The following CYB5RL variants were observed in gnomAD, a reference collection of about 807,000 sequenced individuals.
The protein encoded by CYB5RL is cytochrome b5 reductase like.
Under a neutral mutation model 37.5 loss-of-function variants are expected in CYB5RL, and 38 were observed. That is an observed-to-expected ratio of 1.01 (90% CI 0.78 to 1.33). The LOEUF (loss-of-function observed/expected upper bound fraction) is 1.33. CYB5RL is among the 40% of genes most tolerant of loss of function. The pLI is 0.00. For synonymous variants in CYB5RL, 141 were observed against 151.9 expected (o/e 0.93, Z 0.53); for missense variants, 388 against 394.4 (o/e 0.98, Z 0.14).
rs200532945 is a variant in CYB5RL, at chr1:54,184,217, C to T, written c.484G>A (p.Gly162Arg). 732 of 1,613,728 alleles carry T rather than the reference C, an allele frequency of 4.5e-4. 1 individual carries two copies. The highest frequency in any genetic ancestry group is 5.9e-4 in the Non-Finnish European group (699 of 1,179,846). Residue 162 changes from glycine (G) to arginine (R), a missense_variant, in exon 6 of 8, where the codon GGA (glycine) becomes AGA (arginine). Transcript: ENST00000534324. ...MSRYVESWRV[G>R]DTAFWRGPFG... ...GGTCCTCGCCAGAAAGCTGTGTCTC[C>T]TACTCTCCAGGACTCAACATACCGG...
At chr1:54,176,854 C>A (rs1467554605) in intron 7 of CYB5RL, among the ~76,000 whole-genome samples, 1 of 152,008 alleles carries the variant, frequency 6.6e-6, no homozygotes. Context: ...GCAGCAGAAC[C>A]ATCAAGGCCA....
chr1:54,174,783 T>C lies in CYB5RL; in HGVS notation c.784A>G (p.Lys262Glu). ...SEQLPWSYQE[K>E]THFGHLGQDL... Reference sequence around the variant, plus strand: ...TGGCCCAGGTGGCCAAAGTGGGTTTTCTCTTGGTAACTCCAGGGAAGCTGC... The same window carrying C: ...TGGCCCAGGTGGCCAAAGTGGGTTTCCTCTTGGTAACTCCAGGGAAGCTGC... The change falls in exon 8 of 8, where the codon AAA becomes GAA. Residue 262 changes from lysine (K) to glutamate (E), a missense_variant. Transcript: ENST00000534324. The C allele has an allele frequency of 6.2e-7, 1 of 1,613,878 alleles. No individual in the cohort carries two copies. Among genetic ancestry groups the C allele is most frequent in the Non-Finnish European group, 8.5e-7 (1 of 1,179,868 alleles).
chr1:54,187,993 T>C, intron 4 of CYB5RL: 2 of 464,420 alleles, frequency 4.3e-6, no homozygotes, highest in East Asian at 3.9e-5. Context: ...CATGAATCAC[T>C]TGAACCCGGG....
At chr1:54,188,205 G>A (rs1040007844) in intron 4 of CYB5RL, among the ~76,000 whole-genome samples, 26 of 152,342 alleles carry the variant, frequency 1.7e-4, no homozygotes, top group African/African-American at 6.3e-4. Context: ...CCACTGCCAC[G>A]TGCTGGCTGT....
intron 1 of CYB5RL, among the ~76,000 whole-genome samples, chr1:54,197,749 C>T (rs899976539): frequency 1.1e-4 from 16 of 152,124 alleles, no homozygotes; most frequent in African/African-American, 2.9e-4. Flanking sequence ...TGGCTGGGTG[C>T]GGTGGCTCAT....
At chr1:54,178,194 C>T (rs565946980) in intron 7 of CYB5RL, among the ~76,000 whole-genome samples, 14 of 152,140 alleles carry the variant, frequency 9.2e-5, no homozygotes, top group Non-Finnish European at 1.9e-4. Context: ...TATATTGGGA[C>T]GGGAAATCCA....
At position 54,174,587 on chromosome 1, in the gene CYB5RL, T is replaced by C. The variant is rs2100454655; in HGVS notation, c.*32A>G. On this transcript the variant is annotated 3_prime_UTR_variant, in exon 8 of 8. Coordinates refer to ENST00000534324, the MANE Select transcript of CYB5RL (RefSeq NM_001031672.4). ...TCCTTCCTGGGTCCCAGTAGCAGGC[T>C]CATGGCCTAGGCTTTGGAAGAGAGG... 3.2e-6 allele frequency: 5 copies of C among 1,580,306 alleles called. No individual in the cohort carries two copies. Among genetic ancestry groups the C allele is most frequent in the East Asian group, 4.6e-5 (2 of 43,166 alleles).
chr1:54,182,323 C>T (rs373004724), intron 6 of CYB5RL, among the ~76,000 whole-genome samples: 19 of 152,304 alleles, frequency 1.2e-4, no homozygotes, highest in South Asian at 4.1e-4. Context: ...AGGTGCTACA[C>T]GTGCTTGATA....
Position 54,179,154 on chromosome 1 carries a change from T to C in CYB5RL, c.739A>G (p.Ser247Gly). The C allele has an allele frequency of 6.2e-7, 1 of 1,612,318 alleles. No individual in the cohort carries two copies. Residue 247 changes from serine (S) to glycine (G), a missense_variant, in exon 7 of 8, where the codon AGC becomes GGC. Ser to Gly is a moderately conservative substitution (Grantham distance 56, BLOSUM62 0). Coordinates refer to ENST00000534324, the MANE Select transcript of CYB5RL (RefSeq NM_001031672.4). ...AGTCACCACCCTGGGCTCACCTGGC[T>C]GAGTACAAAGAAGGTACGGACATTC... Reference protein sequence around the residue: ...FWNVRTFFVLSQESSSEQLPW... With the variant: ...FWNVRTFFVLGQESSSEQLPW...
rs536398706 is a variant in CYB5RL, at chr1:54,173,675, C to T, written c.*944G>A. The T allele has an allele frequency of 6.5e-6, 1 of 152,750 alleles. No individual in the cohort carries two copies. The highest frequency in any genetic ancestry group is 1.9e-4 in the East Asian group (1 of 5,184). The allele number at this position is 152,750 out of a possible 1,614,324, so 9.5% of individuals were successfully genotyped here. On this transcript the variant is annotated 3_prime_UTR_variant, in exon 8 of 8. Coordinates refer to ENST00000534324, the MANE Select transcript of CYB5RL (RefSeq NM_001031672.4). Reference sequence around the variant, plus strand: ...AATTCTGGGACTGCCTGTAGCTAGCCCAAGCTGGTGCAGCACGCTAGAGCC... The same window carrying T: ...AATTCTGGGACTGCCTGTAGCTAGCTCAAGCTGGTGCAGCACGCTAGAGCC...
chr1:54,184,575 G>C (rs1044066724), intron 5 of CYB5RL: 10 of 229,782 alleles, frequency 4.4e-5, no homozygotes, highest in Non-Finnish European at 7.6e-5. Flanking sequence ...GAAGAACTGG[G>C]TGATGATTAA....
intron 6 of CYB5RL, chr1:54,180,111 C>T (rs963660104): frequency 6.5e-5 from 28 of 429,100 alleles, no homozygotes; most frequent in African/African-American, 5.7e-4. Flanking sequence ...GTGGTGCACG[C>T]CTGTAGTCCC....
rs181944525 is a variant in CYB5RL, at chr1:54,174,834, A to G, written c.745-12T>C. On this transcript the variant is annotated splice_polypyrimidine_tract_variant and intron_variant, in intron 7 of 7. Coordinates refer to ENST00000534324, the MANE Select transcript of CYB5RL (RefSeq NM_001031672.4). ...TCTGAGGAGCTCTCCTGGGAAGACA[A>G]GAAAGGCATGGGTGACTACAAGGGA... The G allele has an allele frequency of 7.5e-6, 12 of 1,610,616 alleles. No homozygotes were observed. The African/African-American group carries it at 1.3e-4, about 18-fold the overall frequency.
intron 6 of CYB5RL, 125 bp downstream of exon 6, chr1:54,184,036 C>T (rs896854312): frequency 3.1e-6 from 2 of 651,716 alleles, no homozygotes; most frequent in African/African-American, 1.8e-5. Flanking sequence ...CCATGTCCAA[C>T]CCCAAGGATA....
chr1:54,175,568 G>A, intron 7 of CYB5RL: 1 of 329,520 alleles, frequency 3.0e-6, no homozygotes, highest in Non-Finnish European at 6.4e-6. Context: ...ACATTTTATT[G>A]GAGTACAACA....
rs891815130 is a variant in CYB5RL at position 54,171,054 on chromosome 1, T to C, written c.*3565A>G. 5 of 441,418 alleles carry C rather than the reference T, an allele frequency of 1.1e-5. No homozygotes were observed. The highest frequency in any genetic ancestry group is 2.0e-5 in the African/African-American group (1 of 49,772). 27.3% of individuals were successfully genotyped at this position (441,418 alleles called of 1,614,324 possible). A position where few individuals can be genotyped will look rare whatever the true frequency, so the allele number is the denominator to read the frequency against. On this transcript the variant is annotated 3_prime_UTR_variant, in exon 8 of 8. Coordinates refer to ENST00000534324, the MANE Select transcript of CYB5RL (RefSeq NM_001031672.4). ...CATGCTCACATGCAGATGACACTTA[T>C]GGGTACAGCGACAGAAAAGCACACA...
chr1:54,171,299 T>C lies in CYB5RL; in HGVS notation c.*3320A>G, dbSNP rs1046040721. Reference sequence around the variant, plus strand: ...CTGAGAGGTGGGTGTGAGTGGGCGGTGGCATACAAAAAGTCTGGAGAGGTG... The same window carrying C: ...CTGAGAGGTGGGTGTGAGTGGGCGGCGGCATACAAAAAGTCTGGAGAGGTG... On this transcript the variant is annotated 3_prime_UTR_variant, in exon 8 of 8. Coordinates refer to ENST00000534324, the MANE Select transcript of CYB5RL (RefSeq NM_001031672.4). 2 of 456,106 alleles carry C rather than the reference T, an allele frequency of 4.4e-6. No homozygotes were observed. The highest frequency in any genetic ancestry group is 2.4e-5 in the Admixed American group (1 of 42,526). The allele number at this position is 456,106 out of a possible 1,614,324, so 28.3% of individuals were successfully genotyped here.
At position 54,184,142 on chromosome 1, in the gene CYB5RL, T is replaced by A; in HGVS notation, c.540+19A>T. On this transcript the variant is annotated intron_variant, in intron 6 of 7. Coordinates refer to ENST00000534324, the MANE Select transcript of CYB5RL (RefSeq NM_001031672.4). Reference sequence around the variant, plus strand: ...CAGTCAACAGGGATCTCCTGAAGATTTAAGGTGCTGGCACTGACCTGGTTT... The same window carrying A: ...CAGTCAACAGGGATCTCCTGAAGATATAAGGTGCTGGCACTGACCTGGTTT... 6.2e-7 allele frequency: 1 copy of A among 1,605,840 alleles called. No individual in the cohort carries two copies. The highest frequency in any genetic ancestry group is 8.5e-7 in the Non-Finnish European group (1 of 1,175,696).
At chr1:54,199,641 G>A (rs1367227077) in intron 1 of CYB5RL, among the ~76,000 whole-genome samples, 1 of 152,176 alleles carries the variant, frequency 6.6e-6, no homozygotes, top group Non-Finnish European at 1.5e-5. Flanking sequence ...TTGCTTCTAG[G>A]AGGCGAATTG....
Sources: gnomAD v4.1 joint callset for allele counts (sites outside exome capture counted in the v4.1 genomes callset) on GRCh38, gnomAD v4.1.1 for gene constraint, MANE v1.5 for transcripts, NCBI Gene and HGNC (gene_info 2026-07-23, HGNC 2026-07-21) for gene names.